PALS2: variants seen among roughly 807,000 people sequenced by gnomAD.
PALS2 encodes the protein protein PALS2.
Under a neutral mutation model 61.6 loss-of-function variants are expected in PALS2, and 27 were observed. The ratio of observed to expected loss-of-function variants is 0.44; its 90% CI spans 0.32 to 0.60. The LOEUF is 0.60. Ranked by LOEUF, PALS2 falls within the 20% of genes least tolerant of loss-of-function variation. The pLI is 0.05. For missense variants in PALS2, 554 were observed against 639.4 expected, an observed-to-expected ratio of 0.87 and a Z score of 1.44; for synonymous variants, 236 against 218.6, an observed-to-expected ratio of 1.08 and a Z score of -0.70.
chr7:24,627,954 TACC>T (rs1421900300), intron 2 of PALS2, among the ~76,000 whole-genome samples: 1 of 152,142 alleles, frequency 6.6e-6, no homozygotes, highest in Admixed American at 6.5e-5. Flanking sequence ...CAGGAGCTGG[TACC>T]ATTCCTTCTG....
intron 9 of PALS2, among the ~76,000 whole-genome samples, chr7:24,675,226 C>A (rs992593788): frequency 1.3e-5 from 2 of 151,976 alleles, no homozygotes; most frequent in Admixed American, 6.6e-5. Context: ...TTTCAAGCAG[C>A]GCATTCCCCT....
intron 5 of PALS2, among the ~76,000 whole-genome samples, chr7:24,652,663 A>T (rs932420048): frequency 6.6e-6 from 1 of 152,162 alleles, no homozygotes; most frequent in Non-Finnish European, 1.5e-5. Context: ...GGCATCTGCA[A>T]ACCATGGGCA....
At chr7:24,667,020 A>G (rs764399905) in intron 8 of PALS2, 3 of 152,174 alleles carry the variant, frequency 2.0e-5, no homozygotes, top group Non-Finnish European at 4.4e-5. Flanking sequence ...AGAAAATAAT[A>G]TAGAAGGAAG....
At chr7:24,585,847 C>A (rs1025193058) in intron 1 of PALS2, among the ~76,000 whole-genome samples, 2 of 152,104 alleles carry the variant, frequency 1.3e-5, no homozygotes, top group Non-Finnish European at 2.9e-5. Flanking sequence ...TCCAGGCGCC[C>A]GCCACCTGCC....
intron 8 of PALS2, among the ~76,000 whole-genome samples, chr7:24,667,963 G>T (rs1474180443): frequency 6.6e-6 from 1 of 151,784 alleles, no homozygotes; most frequent in Admixed American, 6.6e-5. Context: ...ACCATGCCCA[G>T]CCCGATTAGA....
intron 1 of PALS2, among the ~76,000 whole-genome samples, chr7:24,579,529 T>A (rs891768450): frequency 6.6e-6 from 1 of 152,182 alleles, no homozygotes; most frequent in Non-Finnish European, 1.5e-5. Flanking sequence ...GAGATACCTT[T>A]TGAGTGGTAT....
At chr7:24,662,618 AATT>A (rs1188164289) in intron 5 of PALS2, among the ~76,000 whole-genome samples, 14 of 151,958 alleles carry the variant, frequency 9.2e-5, no homozygotes, top group Admixed American at 8.5e-4. Context: ...AAAATACAAA[AATT>A]AGCCAGGTGT....
intron 1 of PALS2, chr7:24,589,111 G>C (rs1783184509): frequency 6.6e-6 from 1 of 152,040 alleles, no homozygotes; most frequent in Non-Finnish European, 1.5e-5. Context: ...GGGAGGCAAA[G>C]TTCTCAAGTA....
At chr7:24,588,256 G>A (rs924110795) in intron 1 of PALS2, among the ~76,000 whole-genome samples, 4 of 152,078 alleles carry the variant, frequency 2.6e-5, no homozygotes, top group African/African-American at 9.7e-5. Flanking sequence ...CCTACCAACA[G>A]CTTACAATAC....
At chr7:24,603,243 G>A (rs1308032317) in intron 1 of PALS2, among the ~76,000 whole-genome samples, 3 of 152,166 alleles carry the variant, frequency 2.0e-5, no homozygotes, top group Non-Finnish European at 4.4e-5. Flanking sequence ...AGTGAGCTTA[G>A]GACTAGCTGA....
chr7:24,619,049 T>C (rs576471197), intron 1 of PALS2, among the ~76,000 whole-genome samples: 1 of 152,370 alleles, frequency 6.6e-6, no homozygotes, highest in South Asian at 2.1e-4. Flanking sequence ...TGATTGAATC[T>C]ATCTCTTTTG....
chr7:24,634,636 A>G (rs988350913), intron 2 of PALS2, among the ~76,000 whole-genome samples: 6 of 152,206 alleles, frequency 3.9e-5, no homozygotes, highest in Non-Finnish European at 8.8e-5. Context: ...ATCCATGGTC[A>G]TGAAGATTTA....
At chr7:24,625,080 G>T (rs1258343011) in intron 2 of PALS2, among the ~76,000 whole-genome samples, 2 of 152,062 alleles carry the variant, frequency 1.3e-5, no homozygotes, top group Non-Finnish European at 2.9e-5. Flanking sequence ...ATAATAATGT[G>T]CAGGGTATTG....
At chr7:24,593,475 C>T (rs1783378352) in intron 1 of PALS2, among the ~76,000 whole-genome samples, 1 of 152,060 alleles carries the variant, frequency 6.6e-6, no homozygotes, top group South Asian at 2.1e-4. Flanking sequence ...TTTCAATTTG[C>T]CCACATCCAT....
rs114458824 is a variant in PALS2, at chr7:24,622,364, A to G, written c.-2-1302A>G. On this transcript the variant is annotated intron_variant, in intron 1 of 11. Transcript: ENST00000222644. ...TCTTTCAATGATGTTTTATAGTTTC[A>G]TTGTACAAATTTTGTACTACTTCTG... Among the ~76,000 whole-genome samples, 793 of 152,056 alleles carry G rather than the reference A, an allele frequency of 5.2e-3. 7 individuals carry two copies. Among genetic ancestry groups the G allele is most frequent in the African/African-American group, 0.017 (725 of 41,544 alleles).
rs749421698 is a variant in PALS2, at chr7:24,638,322, CTTTTTTTTTTTTTT to C, written c.118-3381_118-3368del. Among the ~76,000 whole-genome samples the C allele has an allele frequency of 5.9e-4, 7 of 11,926 alleles. 1 individual carries two copies. The highest frequency in any genetic ancestry group is 5.9e-4 in the Non-Finnish European group (5 of 8,416). The allele number at this position is 11,926 out of a possible 152,430, so 7.8% of individuals were successfully genotyped here. ...TTTCTCCCTTCAATTTCTGTATTTT[CTTTTTTTTTTTTTT>C]TTTTTTTTTTTTGAGACGGAGTCTC... On this transcript the variant is annotated intron_variant, in intron 2 of 11. Coordinates refer to ENST00000222644, the MANE Select transcript of PALS2 (RefSeq NM_001303037.2).
intron 3 of PALS2, among the ~76,000 whole-genome samples, chr7:24,642,490 A>T (rs538261290): frequency 6.6e-6 from 1 of 152,310 alleles, no homozygotes; most frequent in Non-Finnish European, 1.5e-5. Flanking sequence ...AAATTAACTC[A>T]TTGAAAAGAA....
chr7:24,617,145 T>A (rs1327307062), intron 1 of PALS2, among the ~76,000 whole-genome samples: 1 of 152,178 alleles, frequency 6.6e-6, no homozygotes, highest in Non-Finnish European at 1.5e-5. Flanking sequence ...AGAAATTCTT[T>A]CTTCTGCCTG....
intron 1 of PALS2, among the ~76,000 whole-genome samples, chr7:24,591,546 C>T (rs1392988654): frequency 6.6e-6 from 1 of 152,016 alleles, no homozygotes; most frequent in Non-Finnish European, 1.5e-5. Flanking sequence ...AATAAAATGC[C>T]ATATCCTCAG....
Sources: allele counts gnomAD v4.1 joint callset (sites outside exome capture counted in the v4.1 genomes callset), GRCh38; gene constraint gnomAD v4.1.1; transcripts MANE v1.5; gene names NCBI Gene and HGNC (gene_info 2026-07-23, HGNC 2026-07-21).